Variants in CACNB4 observed in about 807,000 individuals in gnomAD.
CACNB4 encodes the protein voltage-dependent L-type calcium channel subunit beta-4.
Under a neutral mutation model 71.2 loss-of-function variants are expected in CACNB4, and 32 were observed. The observed-to-expected ratio is 0.45, with a 90% confidence interval of 0.34 to 0.60. The LOEUF is 0.60. Ranked by LOEUF, CACNB4 falls within the 20% of genes least tolerant of loss-of-function variation. CACNB4 has a pLI of 0.01. For synonymous variants in CACNB4, 231 were observed against 236.9 expected, an observed-to-expected ratio of 0.97 and a Z score of 0.23; for missense variants, 464 against 647.9, an observed-to-expected ratio of 0.72 and a Z score of 3.08.
At chr2:151,870,482 C>G in intron 8 of CACNB4, 49 bp downstream of exon 8, 1 of 1,472,698 alleles carries the variant, frequency 6.8e-7, no homozygotes, top group Non-Finnish European at 9.5e-7. Flanking sequence ...ACATGACTGT[C>G]TCCTGGGTGC....
In CACNB4 at chr2:151,841,979, G is replaced by A. The variant is rs1481238355; in HGVS notation, c.1226C>T (p.Pro409Leu). The change falls in exon 13 of 14, where the codon CCC (proline) becomes CTC (leucine). Residue 409 changes from proline to leucine, a missense_variant. Coordinates refer to ENST00000539935, the MANE Select transcript of CACNB4 (RefSeq NM_000726.5). The stretch of plus-strand genomic sequence containing the variant: ...ATTCCTTCCCAGCAGCGGGGTCATG[G>A]GTGTGCTACTGGTTGTGTGGGTGGC... ...WRATHTTSST[P>L]MTPLLGRNLG... is the part of the protein sequence containing the mutation. The A allele has an allele frequency of 6.2e-7, 1 of 1,613,784 alleles. No individual in the cohort carries two copies. Among genetic ancestry groups the A allele is most frequent in the Non-Finnish European group, 8.5e-7 (1 of 1,179,868 alleles).
At chr2:151,958,759 T>C (rs546205378) in intron 2 of CACNB4, among the ~76,000 whole-genome samples, 2 of 152,332 alleles carry the variant, frequency 1.3e-5, no homozygotes, top group South Asian at 4.1e-4. Context: ...GCCTGAATTC[T>C]TCCTCTCCTC....
chr2:151,895,096 C>CCACA lies in CACNB4; in HGVS notation c.148-11730_148-11727dup, dbSNP rs58504924. 4.8e-3 allele frequency among the ~76,000 whole-genome samples: 107 copies of CCACA among 22,330 alleles called. 2 individuals carry two copies. The highest frequency in any genetic ancestry group is 0.043 in the Middle Eastern group (2 of 46). 14.6% of individuals were successfully genotyped at this position (22,330 alleles called of 152,430 possible). A position where few individuals can be genotyped will look rare whatever the true frequency, so the allele number is the denominator to read the frequency against. On this transcript the variant is annotated intron_variant, in intron 2 of 13. Coordinates refer to ENST00000539935, the MANE Select transcript of CACNB4 (RefSeq NM_000726.5). ...ATATGGAACCAGAACTCAAATAGCC[C>CCACA]CACACACACACACACACACACACAC... is the stretch of plus-strand genomic sequence containing the variant.
intron 2 of CACNB4, among the ~76,000 whole-genome samples, chr2:151,887,034 G>T (rs2099849528): frequency 6.6e-6 from 1 of 152,104 alleles, no homozygotes; most frequent in Non-Finnish European, 1.5e-5. Context: ...AGGACAGGTT[G>T]GAGAGGCGTC....
At chr2:151,908,658 T>G (rs566599597) in intron 2 of CACNB4, among the ~76,000 whole-genome samples, 1 of 152,354 alleles carries the variant, frequency 6.6e-6, no homozygotes, top group African/African-American at 2.4e-5. Flanking sequence ...GATAACATAC[T>G]TTAAGAATTT....
intron 2 of CACNB4, among the ~76,000 whole-genome samples, chr2:151,906,707 C>T (rs1041934026): frequency 6.6e-6 from 1 of 152,166 alleles, no homozygotes; most frequent in Admixed American, 6.5e-5. Flanking sequence ...TCTGATGGCC[C>T]TAAGTCAGGC....
chr2:151,886,694 T>G (rs1211186329), intron 2 of CACNB4, among the ~76,000 whole-genome samples: 1 of 152,242 alleles, frequency 6.6e-6, no homozygotes, highest in Non-Finnish European at 1.5e-5. Context: ...TGTTGTTTTT[T>G]TAATGTCATC....
chr2:151,957,409 C>T (rs2151684835), intron 2 of CACNB4, among the ~76,000 whole-genome samples: 1 of 151,902 alleles, frequency 6.6e-6, no homozygotes, highest in African/African-American at 2.4e-5. Context: ...CAATTCATTC[C>T]AACAACCATT....
At chr2:151,881,900 A>C (rs1240781137) in intron 3 of CACNB4, among the ~76,000 whole-genome samples, 1 of 102,688 alleles carries the variant, frequency 9.7e-6, no homozygotes, top group African/African-American at 4.0e-5. Flanking sequence ...TTTTTTTTTG[A>C]GACGGAGTCT....
At chr2:152,054,288 C>T (rs1239949170) in intron 2 of CACNB4, among the ~76,000 whole-genome samples, 27 of 147,946 alleles carry the variant, frequency 1.8e-4, no homozygotes, top group Admixed American at 1.7e-3. Flanking sequence ...ATGGCGTGAA[C>T]CCGGGAGGCG....
chr2:152,061,659 A>T (rs796251978), intron 2 of CACNB4, among the ~76,000 whole-genome samples: 7 of 150,598 alleles, frequency 4.6e-5, no homozygotes, highest in African/African-American at 1.7e-4. Flanking sequence ...AAAAAAAGTT[A>T]TGAATGTTTC....
At chr2:151,920,879 C>T (rs1252389337) in intron 2 of CACNB4, among the ~76,000 whole-genome samples, 2 of 152,144 alleles carry the variant, frequency 1.3e-5, no homozygotes, top group African/African-American at 4.8e-5. Flanking sequence ...TGACTCACGC[C>T]TGTAATCCTA....
At chr2:151,885,664 T>G (rs1187744448) in intron 2 of CACNB4, among the ~76,000 whole-genome samples, 1 of 152,250 alleles carries the variant, frequency 6.6e-6, no homozygotes, top group African/African-American at 2.4e-5. Flanking sequence ...ACTATAAACC[T>G]GATAACCGCA....
At chr2:152,096,448 C>T (rs1157845633) in intron 2 of CACNB4, among the ~76,000 whole-genome samples, 1 of 152,084 alleles carries the variant, frequency 6.6e-6, no homozygotes, top group Non-Finnish European at 1.5e-5. Flanking sequence ...TGCGTCACTG[C>T]ACCCCAGCCT....
intron 2 of CACNB4, among the ~76,000 whole-genome samples, chr2:151,983,598 TA>T (rs939787163): frequency 1.3e-5 from 2 of 150,876 alleles, no homozygotes; most frequent in East Asian, 1.9e-4. Context: ...GAGGAGAATG[TA>T]AAAAAAATCA....
intron 2 of CACNB4, among the ~76,000 whole-genome samples, chr2:152,075,533 T>C (rs1176158696): frequency 6.6e-6 from 1 of 152,124 alleles, no homozygotes; most frequent in Non-Finnish European, 1.5e-5. Context: ...AGGGAGAGCA[T>C]TCCAGGTGGA....
chr2:152,051,428 C>T (rs189289947), intron 2 of CACNB4, among the ~76,000 whole-genome samples: 1 of 152,194 alleles, frequency 6.6e-6, no homozygotes, highest in African/African-American at 2.4e-5. Flanking sequence ...AATATGTCCC[C>T]ACAAAATACA....
chr2:151,941,209 C>T (rs1197648092), intron 2 of CACNB4, among the ~76,000 whole-genome samples: 1 of 151,572 alleles, frequency 6.6e-6, no homozygotes, highest in Non-Finnish European at 1.5e-5. Context: ...CATCTTCTGT[C>T]CAGTTGTCAT....
intron 2 of CACNB4, among the ~76,000 whole-genome samples, chr2:152,048,264 C>T (rs1295117712): frequency 1.3e-5 from 2 of 152,132 alleles, no homozygotes; most frequent in Non-Finnish European, 2.9e-5. Flanking sequence ...CCCTGGGGGG[C>T]AAAATCACCC....
Sources: gnomAD v4.1 joint callset for allele counts (sites outside exome capture counted in the v4.1 genomes callset) on GRCh38, gnomAD v4.1.1 for gene constraint, MANE v1.5 for transcripts, NCBI Gene and HGNC (gene_info 2026-07-23, HGNC 2026-07-21) for gene names.